Variants in KCTD8 observed in about 807,000 individuals in gnomAD.
KCTD8 encodes the protein BTB/POZ domain-containing protein KCTD8.
In KCTD8, 27 loss-of-function variants were observed where a neutral mutation model predicts 31.5. The observed-to-expected ratio is 0.86, with a 90% CI of 0.63 to 1.18. KCTD8 has a LOEUF of 1.18. Among genes scored for constraint, KCTD8 ranks in the 50% most tolerant of loss-of-function variants. The probability of loss-of-function intolerance (pLI) is 0.00; values close to 1 mark genes in which losing one functional copy is unlikely to be tolerated. For synonymous variants in KCTD8, 290 were observed against 280.0 expected (o/e 1.04, Z -0.36); for missense variants, 658 against 647.7 (o/e 1.02, Z -0.17).
At chr4:44,446,963 C>A (rs1490442382) in intron 1 of KCTD8, among the ~76,000 whole-genome samples, 3 of 152,196 alleles carry the variant, frequency 2.0e-5, no homozygotes, top group African/African-American at 7.2e-5. Context: ...TTTCCCCACA[C>A]CCGCTCTCAT....
At chr4:44,388,688 CA>C (rs1560442574) in intron 1 of KCTD8, among the ~76,000 whole-genome samples, 1 of 151,560 alleles carries the variant, frequency 6.6e-6, no homozygotes, top group East Asian at 1.9e-4. Flanking sequence ...AAATGACACA[CA>C]GGGGCCTTTC....
intron 1 of KCTD8, among the ~76,000 whole-genome samples, chr4:44,363,391 G>C (rs149462166): frequency 7.4e-4 from 113 of 152,294 alleles, no homozygotes; most frequent in African/African-American, 2.5e-3. Context: ...CCAGGGTAAG[G>C]ATCAGGAGGA....
intron 1 of KCTD8, among the ~76,000 whole-genome samples, chr4:44,259,325 A>G (rs1398602304): frequency 6.6e-6 from 1 of 151,866 alleles, no homozygotes; most frequent in African/African-American, 2.4e-5. Context: ...TATCCTTCAA[A>G]TATAATCAGC....
intron 1 of KCTD8, among the ~76,000 whole-genome samples, chr4:44,425,904 G>C (rs1721333616): frequency 6.6e-6 from 1 of 151,854 alleles, no homozygotes; most frequent in Non-Finnish European, 1.5e-5. Flanking sequence ...TGTCTTGCAA[G>C]AGTCATTGTC....
chr4:44,317,650 A>G (rs964501251), intron 1 of KCTD8, among the ~76,000 whole-genome samples: 31 of 152,170 alleles, frequency 2.0e-4, no homozygotes, highest in African/African-American at 7.5e-4. Flanking sequence ...CCATTAGTGG[A>G]GTGCTAAGCA....
At chr4:44,189,914 T>A (rs1414208994) in intron 1 of KCTD8, among the ~76,000 whole-genome samples, 1 of 152,200 alleles carries the variant, frequency 6.6e-6, no homozygotes, top group African/African-American at 2.4e-5. Flanking sequence ...CAGAGTCATT[T>A]TCGCTATTCC....
chr4:44,331,828 GAAA>G (rs1042681484), intron 1 of KCTD8, among the ~76,000 whole-genome samples: 1 of 147,766 alleles, frequency 6.8e-6, no homozygotes, highest in South Asian at 2.1e-4. Flanking sequence ...TCATATATAT[GAAA>G]AAAATAAAAT....
intron 1 of KCTD8, among the ~76,000 whole-genome samples, chr4:44,281,887 T>A (rs1191361362): frequency 6.6e-6 from 1 of 152,110 alleles, no homozygotes; most frequent in Non-Finnish European, 1.5e-5. Context: ...GCAGGTCTAG[T>A]ATATTTGAAA....
chr4:44,390,198 G>A (rs1265069726), intron 1 of KCTD8, among the ~76,000 whole-genome samples: 2 of 151,952 alleles, frequency 1.3e-5, no homozygotes, highest in African/African-American at 4.8e-5. Context: ...TATTGGTCAT[G>A]AAGTCTTTGC....
chr4:44,357,409 G>A (rs141489539), intron 1 of KCTD8, among the ~76,000 whole-genome samples: 554 of 152,186 alleles, frequency 3.6e-3, no homozygotes, highest in African/African-American at 6.6e-3. Context: ...TTGTCTTCCC[G>A]TAAGATTAAT....
In KCTD8 at chr4:44,204,930, T is replaced by C. The variant is rs549168974; in HGVS notation, c.962-29680A>G. ...AAAATTAAATCATCAATATTAATTT[T>C]CTAAAATATAGAAAATTAATTACAC... On this transcript the variant is annotated intron_variant, in intron 1 of 1. Coordinates refer to ENST00000360029, the MANE Select transcript of KCTD8 (RefSeq NM_198353.3). Among the ~76,000 whole-genome samples the C allele has an allele frequency of 3.9e-4, 60 of 152,194 alleles. 1 individual carries two copies. The highest frequency in any genetic ancestry group is 1.2e-3 in the South Asian group (6 of 4,824).
chr4:44,337,138 T>C (rs1718770960), intron 1 of KCTD8, among the ~76,000 whole-genome samples: 1 of 152,148 alleles, frequency 6.6e-6, no homozygotes, highest in Admixed American at 6.5e-5. Flanking sequence ...AAACTGTATT[T>C]TTGTTGTTGT....
At chr4:44,258,298 T>C (rs945147116) in intron 1 of KCTD8, among the ~76,000 whole-genome samples, 2 of 151,976 alleles carry the variant, frequency 1.3e-5, no homozygotes, top group African/African-American at 4.8e-5. Context: ...TTGAAACAGA[T>C]TGTGGTGATG....
chr4:44,331,554 A>C (rs1042043460), intron 1 of KCTD8, among the ~76,000 whole-genome samples: 4 of 151,650 alleles, frequency 2.6e-5, no homozygotes, highest in Non-Finnish European at 5.9e-5. Flanking sequence ...GACACACATG[A>C]ATTAACCAAT....
chr4:44,314,589 G>A (rs759824724), intron 1 of KCTD8, among the ~76,000 whole-genome samples: 1 of 151,920 alleles, frequency 6.6e-6, no homozygotes, highest in South Asian at 2.1e-4. Flanking sequence ...ATCACAAAAA[G>A]ACATTAGTAA....
chr4:44,388,214 T>C (rs1720273916), intron 1 of KCTD8, among the ~76,000 whole-genome samples: 1 of 151,938 alleles, frequency 6.6e-6, no homozygotes, highest in African/African-American at 2.4e-5. Context: ...TAATAGATGC[T>C]AGTGAGACTG....
chr4:44,284,116 C>T lies in KCTD8; in HGVS notation c.962-108866G>A, dbSNP rs569176652. ...TACAACTGACTTTCTTCACAGAATTCGAAAAAAAACTACTTTAAACTTCAT... is the reference window on the plus strand; with the variant it reads ...TACAACTGACTTTCTTCACAGAATTTGAAAAAAAACTACTTTAAACTTCAT... On this transcript the variant is annotated intron_variant, in intron 1 of 1. Coordinates refer to ENST00000360029, the MANE Select transcript of KCTD8 (RefSeq NM_198353.3). Among the ~76,000 whole-genome samples the T allele has an allele frequency of 2.0e-3, 302 of 151,684 alleles. 2 individuals are homozygous for T. Among genetic ancestry groups the T allele is most frequent in the African/African-American group, 6.3e-3 (262 of 41,374 alleles).
intron 1 of KCTD8, among the ~76,000 whole-genome samples, chr4:44,225,876 C>T (rs948742676): frequency 4.2e-5 from 6 of 144,566 alleles, no homozygotes; most frequent in African/African-American, 1.3e-4. Flanking sequence ...GCTGGAGTGC[C>T]GTGGTGTGAT....
Position 44,447,911 on chromosome 4 carries a change from G to A in KCTD8, c.613C>T (p.Arg205Cys). 3.4e-6 allele frequency: 5 copies of A among 1,479,726 alleles called. No individual in the cohort carries two copies. The highest frequency in any genetic ancestry group is 3.6e-6 in the Non-Finnish European group (4 of 1,112,768). 91.7% of individuals were successfully genotyped at this position (1,479,726 alleles called of 1,614,324 possible). ...TAGCCCAGCGTGAGGAAGCCCGAGCGCTTGTCCTGCGCGCCGCCGCCGCCG... is the reference window on the plus strand; with the variant it reads ...TAGCCCAGCGTGAGGAAGCCCGAGCACTTGTCCTGCGCGCCGCCGCCGCCG... ...GGGGGGAQDK[R>C]SGFLTLGYRG... Residue 205 changes from arginine to cysteine, a missense_variant, in exon 1 of 2, where the codon CGC becomes TGC. Coordinates refer to ENST00000360029, the MANE Select transcript of KCTD8 (RefSeq NM_198353.3).
Sources: gnomAD v4.1 joint callset for allele counts (sites outside exome capture counted in the v4.1 genomes callset) on GRCh38, gnomAD v4.1.1 for gene constraint, MANE v1.5 for transcripts, NCBI Gene and HGNC (gene_info 2026-07-23, HGNC 2026-07-21) for gene names.